SYNE1: variants seen among roughly 807,000 people sequenced by gnomAD.
SYNE1 encodes the protein nesprin-1.
Under a neutral mutation model 1,111.0 loss-of-function variants are expected in SYNE1, and 616 were observed. The ratio of observed to expected loss-of-function variants is 0.55; its 90% CI spans 0.52 to 0.59. The LOEUF (loss-of-function observed/expected upper bound fraction) is 0.59, where lower values mean the gene tolerates loss of function less well. Ranked by LOEUF, SYNE1 falls within the 20% of genes least tolerant of loss-of-function variation. The pLI, the probability that SYNE1 is intolerant of heterozygous loss-of-function variation, is 0.00. For missense variants in SYNE1, 10,006 were observed against 10,417.0 expected, an observed-to-expected ratio of 0.96 and a Z score of 1.72; for synonymous variants, 3,855 against 3,825.8, an observed-to-expected ratio of 1.01 and a Z score of -0.28.
Position 152,219,095 on chromosome 6 carries a change from C to T in SYNE1, c.21952G>A (p.Ala7318Thr), listed in dbSNP as rs145494541. The T allele has an allele frequency of 7.6e-5, 122 of 1,614,122 alleles. No individual in the cohort carries two copies. The Middle Eastern group carries it at 1.2e-3, about 15-fold the overall frequency. ...EQLKQQVDAS[A>T]ASAIQSDQLS... is the part of the protein sequence containing the mutation. ...TGATCCGATTGAATAGCTGATGCTG[C>T]GGAAGCATCCACTTGTTGCTTCAGT... The change falls in exon 120 of 146, where the codon GCA becomes ACA. Residue 7318 changes from alanine to threonine, a missense_variant. Around this residue, in one of 7 missense-constraint regions of SYNE1, gnomAD observed 2,182 missense variants for 2,287.8 expected, o/e 0.95. Transcript: ENST00000367255.
chr6:152,403,900 G>A (rs998350303), intron 46 of SYNE1, among the ~76,000 whole-genome samples: 1 of 151,966 alleles, frequency 6.6e-6, no homozygotes, highest in African/African-American at 2.4e-5. Flanking sequence ...AATACTGGCT[G>A]AAGGAATGTG....
chr6:152,255,764 G>C lies in SYNE1; in HGVS notation c.19105-18C>G. ...CCTCCACTCTGGGAAACACAAAACA[G>C]GGTCAAATAATCAATTTCAGTGTTT... On this transcript the variant is annotated intron_variant, in intron 102 of 145. Transcript: ENST00000367255. The C allele has an allele frequency of 3.1e-6, 5 of 1,614,020 alleles. No individual in the cohort carries two copies. The highest frequency in any genetic ancestry group is 2.2e-5 in the East Asian group (1 of 44,874).
rs776734306 is a variant in SYNE1 at position 152,407,184 on chromosome 6, G to T, written c.6553C>A (p.Leu2185Ile). The change falls in exon 45 of 146, where the codon CTT becomes ATT. Residue 2185 changes from leucine to isoleucine, a missense_variant. Leu to Ile is a conservative substitution (Grantham distance 5, BLOSUM62 2). Coordinates refer to ENST00000367255, the MANE Select transcript of SYNE1 (RefSeq NM_182961.4). ...VDKWLDVSEKLEENMDRLRVS... is the reference protein window; with the variant it reads ...VDKWLDVSEKIEENMDRLRVS... ...CTCAGCCTATCCATGTTTTCTTCAA[G>T]TTTCTCTGATACCTAGGAGAGAAAC... 17 of 1,613,618 alleles carry T rather than the reference G, an allele frequency of 1.1e-5. No individual in the cohort carries two copies. In the Middle Eastern group the frequency reaches 4.9e-4, roughly 47 times the overall value.
chr6:152,243,556 G>T (rs2086305019), intron 106 of SYNE1, among the ~76,000 whole-genome samples: 1 of 152,160 alleles, frequency 6.6e-6, no homozygotes, highest in African/African-American at 2.4e-5. Flanking sequence ...AATGACATTT[G>T]ACTCTTACAC....
chr6:152,450,347 G>A (rs147344880), intron 27 of SYNE1, among the ~76,000 whole-genome samples: 132 of 152,260 alleles, frequency 8.7e-4, no homozygotes, highest in Middle Eastern at 3.4e-3. Context: ...TCTCAGGTAT[G>A]TCTTTATTAG....
chr6:152,290,330 G>A (rs1200714768), intron 95 of SYNE1, among the ~76,000 whole-genome samples: 1 of 152,232 alleles, frequency 6.6e-6, no homozygotes, highest in Non-Finnish European at 1.5e-5. Context: ...GCCGAGGTAA[G>A]TGGATCACCT....
chr6:152,125,755 C>T (rs75999342), intron 145 of SYNE1: 1,710 of 159,216 alleles, frequency 0.011, 67 homozygotes, highest in East Asian at 0.099. Flanking sequence ...ATTGATAGTA[C>T]AATCTGACAG....
chr6:152,573,450 C>T (rs150504881), intron 3 of SYNE1, among the ~76,000 whole-genome samples: 4 of 149,228 alleles, frequency 2.7e-5, no homozygotes, highest in Non-Finnish European at 5.9e-5. Flanking sequence ...TTTGTCCTTG[C>T]GGTAGTTTGC....
At chr6:152,363,277 G>T (rs1282692588) in intron 63 of SYNE1, among the ~76,000 whole-genome samples, 1 of 148,066 alleles carries the variant, frequency 6.8e-6, no homozygotes, top group Non-Finnish European at 1.5e-5. Flanking sequence ...GGTGGATCAC[G>T]AGGTCAGGAG....
intron 91 of SYNE1, among the ~76,000 whole-genome samples, chr6:152,306,000 C>G (rs2095361016): frequency 6.6e-6 from 1 of 152,098 alleles, no homozygotes; most frequent in South Asian, 2.1e-4. Context: ...TTTCCTGGGA[C>G]TTCATTATTC....
chr6:152,382,601 G>T (rs1407108631), intron 55 of SYNE1, among the ~76,000 whole-genome samples: 1 of 151,562 alleles, frequency 6.6e-6, no homozygotes, highest in Non-Finnish European at 1.5e-5. Flanking sequence ...AACCTTCTCA[G>T]CAGCAGGATT....
intron 129 of SYNE1, 135 bp from the exon 130 acceptor site, chr6:152,176,695 T>C (rs1165430029): frequency 9.1e-6 from 8 of 874,672 alleles, no homozygotes; most frequent in Non-Finnish European, 1.5e-5. Flanking sequence ...CATGTGGATA[T>C]CAGCCCATGT....
chr6:152,139,974 G>A lies in SYNE1; in HGVS notation c.25434C>T (p.Ile8478=), dbSNP rs760924862. The A allele has an allele frequency of 1.3e-5, 21 of 1,613,790 alleles. 1 individual carries two copies. In the South Asian group the frequency reaches 1.8e-4, roughly 14 times the overall value. The change falls in exon 140 of 146, where the codon ATC becomes ATT. Residue 8478 remains isoleucine (I), a synonymous_variant. Coordinates refer to ENST00000367255, the MANE Select transcript of SYNE1 (RefSeq NM_182961.4). ...CCTTGAGCTTTTTGATCTGGAGCTC[G>A]ATGGTCTGGATGTCAGTGCTGAGTT... ...RLELSTDIQT[I]ELQIKKLKEL... is the part of the protein sequence containing the mutation.
intron 135 of SYNE1, among the ~76,000 whole-genome samples, chr6:152,150,298 T>C (rs914557761): frequency 1.3e-5 from 2 of 152,208 alleles, no homozygotes; most frequent in Non-Finnish European, 2.9e-5. Context: ...AATACAATAA[T>C]AAATTGTGGA....
At chr6:152,216,520 C>G (rs1354653755) in intron 121 of SYNE1, among the ~76,000 whole-genome samples, 1 of 152,034 alleles carries the variant, frequency 6.6e-6, no homozygotes, top group Admixed American at 6.5e-5. Flanking sequence ...GACAAGAAAA[C>G]AAATCCAGAG....
chr6:152,492,150 C>A (rs1440782100), intron 11 of SYNE1, among the ~76,000 whole-genome samples: 5 of 152,192 alleles, frequency 3.3e-5, no homozygotes, highest in Non-Finnish European at 7.3e-5. Context: ...TGGCAACAAC[C>A]CTTAGATGCT....
chr6:152,552,558 C>T (rs560666874), intron 3 of SYNE1, among the ~76,000 whole-genome samples: 8 of 151,836 alleles, frequency 5.3e-5, no homozygotes, highest in East Asian at 1.9e-4. Context: ...CTTGACAAGA[C>T]GTAAAGAGAG....
intron 129 of SYNE1, among the ~76,000 whole-genome samples, chr6:152,178,899 AT>A (rs11367270): frequency 0.05 from 7,562 of 150,484 alleles, 216 homozygotes; most frequent in Middle Eastern, 0.095. Flanking sequence ...CAACACTGAA[AT>A]CACCCAATTC....
At chr6:152,267,742 T>TCC (rs1178181517) in intron 100 of SYNE1, among the ~76,000 whole-genome samples, 1 of 152,192 alleles carries the variant, frequency 6.6e-6, no homozygotes, top group Non-Finnish European at 1.5e-5. Flanking sequence ...ATACAATCAT[T>TCC]CAGTTAGAAA....
Sources: gnomAD v4.1 joint callset for allele counts (sites outside exome capture counted in the v4.1 genomes callset) on GRCh38, gnomAD v4.1.1 for gene constraint, gnomAD v4.1.1 regional missense constraint, MANE v1.5 for transcripts, NCBI Gene and HGNC (gene_info 2026-07-23, HGNC 2026-07-21) for gene names.